ARHGAP21: variants seen among roughly 807,000 people sequenced by gnomAD.
ARHGAP21 encodes Rho GTPase activating protein 21.
In ARHGAP21, 38 loss-of-function variants were observed where a neutral mutation model predicts 164.6. That is an observed-to-expected ratio of 0.23 (90% CI 0.18 to 0.30). The LOEUF (loss-of-function observed/expected upper bound fraction) is 0.30, where lower values mean the gene tolerates loss of function less well. ARHGAP21 is among the 10% of genes least tolerant of loss of function. ARHGAP21 has a pLI of 1.00. For missense variants in ARHGAP21, 1,822 were observed against 2,370.7 expected, an observed-to-expected ratio of 0.77 and a Z score of 4.81; for synonymous variants, 766 against 857.9, an observed-to-expected ratio of 0.89 and a Z score of 1.87.
chr10:24,631,306 G>A (rs1593099579), intron 6 of ARHGAP21, among the ~76,000 whole-genome samples: 1 of 152,204 alleles, frequency 6.6e-6, no homozygotes, highest in African/African-American at 2.4e-5. Flanking sequence ...GGACATTGCA[G>A]TGAGCTGAGA....
chr10:24,711,093 C>CA (rs11304785), intron 2 of ARHGAP21, among the ~76,000 whole-genome samples: 218 of 43,482 alleles, frequency 5.0e-3, no homozygotes, highest in African/African-American at 9.2e-3. Context: ...GACTCCATCT[C>CA]AAAAAAAAAA....
intron 21 of ARHGAP21, among the ~76,000 whole-genome samples, chr10:24,593,233 G>T (rs914897337): frequency 6.6e-6 from 1 of 152,198 alleles, no homozygotes; most frequent in Non-Finnish European, 1.5e-5. Context: ...TTGAAGTCAG[G>T]ATTCTTCTAG....
At chr10:24,669,344 T>G (rs1840482274) in intron 3 of ARHGAP21, among the ~76,000 whole-genome samples, 1 of 152,188 alleles carries the variant, frequency 6.6e-6, no homozygotes, top group Non-Finnish European at 1.5e-5. Flanking sequence ...TCATAGATAT[T>G]TAGAATTAGA....
Position 24,703,396 on chromosome 10 carries a change from T to C in ARHGAP21, c.63+18441A>G, listed in dbSNP as rs571907386. Among the ~76,000 whole-genome samples, 23 of 152,296 alleles carry C rather than the reference T, an allele frequency of 1.5e-4. No individual in the cohort carries two copies. In the South Asian group the frequency reaches 4.3e-3, roughly 29 times the overall value. ...CTCAACACGCCAGCACTATGTTAAA[T>C]GCTATATCCAGGTTATCTCATTTTA... On this transcript the variant is annotated intron_variant, in intron 2 of 25. Transcript: ENST00000396432.
At chr10:24,714,038 C>G (rs985855717) in intron 2 of ARHGAP21, among the ~76,000 whole-genome samples, 5 of 152,110 alleles carry the variant, frequency 3.3e-5, no homozygotes, top group Non-Finnish European at 7.4e-5. Flanking sequence ...TACTTACAGT[C>G]AATTAAAATT....
intron 2 of ARHGAP21, among the ~76,000 whole-genome samples, chr10:24,720,952 T>C (rs985036479): frequency 1.3e-5 from 2 of 149,010 alleles, no homozygotes; most frequent in African/African-American, 5.0e-5. Flanking sequence ...AGTATATTCA[T>C]AATAGAAGTA....
intron 2 of ARHGAP21, among the ~76,000 whole-genome samples, chr10:24,689,975 T>C (rs557379583): frequency 7.3e-5 from 11 of 150,866 alleles, no homozygotes; most frequent in Admixed American, 1.3e-4. Context: ...TATATACACA[T>C]ACACACAAAA....
chr10:24,650,084 G>C (rs1237808254), intron 4 of ARHGAP21, among the ~76,000 whole-genome samples: 2 of 152,160 alleles, frequency 1.3e-5, no homozygotes, highest in East Asian at 3.8e-4. Context: ...ATGGGAGATG[G>C]AGTAAGAATG....
intron 2 of ARHGAP21, among the ~76,000 whole-genome samples, chr10:24,673,729 GC>G (rs540147778): frequency 4.7e-4 from 72 of 152,200 alleles, no homozygotes; most frequent in African/African-American, 1.5e-3. Flanking sequence ...GGGTGTGGTG[GC>G]ACACACCTAT....
At chr10:24,652,224 T>G (rs1247553925) in intron 4 of ARHGAP21, among the ~76,000 whole-genome samples, 1 of 152,136 alleles carries the variant, frequency 6.6e-6, no homozygotes, top group Non-Finnish European at 1.5e-5. Flanking sequence ...ATGATCAAGG[T>G]GGTATTACAG....
chr10:24,639,044 C>T (rs1836699268), intron 4 of ARHGAP21, among the ~76,000 whole-genome samples: 1 of 152,092 alleles, frequency 6.6e-6, no homozygotes, highest in African/African-American at 2.4e-5. Context: ...TAGGTAGTAG[C>T]TGCCATCTAA....
At chr10:24,709,269 A>G (rs1026565839) in intron 2 of ARHGAP21, among the ~76,000 whole-genome samples, 1 of 152,220 alleles carries the variant, frequency 6.6e-6, no homozygotes, top group African/African-American at 2.4e-5. Flanking sequence ...AGTAATTTAA[A>G]AAAATCTCCC....
At chr10:24,596,133 G>C in intron 17 of ARHGAP21, 90 bp from the exon 18 acceptor site, 4 of 1,148,382 alleles carry the variant, frequency 3.5e-6, no homozygotes, top group Non-Finnish European at 4.8e-6. Context: ...TCATCCAAAA[G>C]GAAACATAAA....
intron 2 of ARHGAP21, among the ~76,000 whole-genome samples, chr10:24,684,396 C>T (rs192103236): frequency 6.6e-6 from 1 of 152,214 alleles, no homozygotes; most frequent in Admixed American, 6.5e-5. Flanking sequence ...CAAAATTTAA[C>T]TGACAACTGC....
intron 2 of ARHGAP21, among the ~76,000 whole-genome samples, chr10:24,707,067 C>T (rs980115434): frequency 3.9e-5 from 6 of 152,164 alleles, no homozygotes; most frequent in African/African-American, 9.7e-5. Context: ...CTCTCAGTAG[C>T]GCCACACAGA....
intron 2 of ARHGAP21, among the ~76,000 whole-genome samples, chr10:24,717,004 G>A (rs751804008): frequency 6.6e-6 from 1 of 152,180 alleles, no homozygotes; most frequent in Non-Finnish European, 1.5e-5. Flanking sequence ...CTGATTCTGC[G>A]AGACAGAGGA....
At chr10:24,587,964 G>A (rs1309250188) in intron 25 of ARHGAP21, among the ~76,000 whole-genome samples, 3 of 152,180 alleles carry the variant, frequency 2.0e-5, no homozygotes, top group African/African-American at 2.4e-5. Flanking sequence ...TAAGAAAAAT[G>A]CATCTAGAGA....
rs1204275673 is a variant in ARHGAP21, at chr10:24,591,330, T to A, written c.4045A>T (p.Thr1349Ser). The A allele has an allele frequency of 2.5e-6, 4 of 1,606,170 alleles. No individual in the cohort carries two copies. Residue 1349 changes from threonine (T) to serine (S), a missense_variant and splice_region_variant, in exon 24 of 26, where the codon ACA (threonine) becomes TCA (serine). Physicochemically the swap from Thr to Ser is moderately conservative, Grantham distance 58. This residue lies in a region of ARHGAP21 where 333 missense variants were observed against 383.9 expected (regional missense o/e 0.87). Coordinates refer to ENST00000396432, the MANE Select transcript of ARHGAP21 (RefSeq NM_020824.4). Reference protein sequence around the residue: ...FTEEGAEEPLTTVQEESTVDS... With the variant: ...FTEEGAEEPLSTVQEESTVDS... ...ACTGTGCTTTCCTCCTGCACTGTTG[T>A]CTATGGTTAATAAACAAAGATCTCT...
intron 7 of ARHGAP21, among the ~76,000 whole-genome samples, chr10:24,627,450 T>A (rs930092862): frequency 9.2e-6 from 1 of 108,264 alleles, no homozygotes; most frequent in Non-Finnish European, 2.1e-5. Context: ...TTACACTACA[T>A]TCAAATGTGA....
Sources: gnomAD v4.1 joint callset for allele counts (sites outside exome capture counted in the v4.1 genomes callset) on GRCh38, gnomAD v4.1.1 for gene constraint, gnomAD v4.1.1 regional missense constraint, MANE v1.5 for transcripts, NCBI Gene and HGNC (gene_info 2026-07-23, HGNC 2026-07-21) for gene names.